The following MANBA variants were observed in gnomAD, a reference collection of about 807,000 sequenced individuals.
The protein encoded by MANBA is beta-mannosidase.
In MANBA, 83 loss-of-function variants were observed where a neutral mutation model predicts 111.1. The observed-to-expected ratio is 0.75, with a 90% CI of 0.63 to 0.90. The LOEUF is 0.90. Among genes scored for constraint, MANBA ranks in the 40% least tolerant of loss-of-function variants. MANBA has a pLI of 0.00. For synonymous variants in MANBA, 370 were observed against 378.7 expected, an observed-to-expected ratio of 0.98 and a Z score of 0.27; for missense variants, 1,036 against 1,069.0, an observed-to-expected ratio of 0.97 and a Z score of 0.43.
In MANBA at chr4:102,722,978, C is replaced by G; in HGVS notation, c.442G>C (p.Val148Leu). Residue 148 changes from valine (V) to leucine (L), a missense_variant, in exon 4 of 17, where the codon GTG becomes CTG. Val to Leu is a conservative substitution (Grantham distance 32). Coordinates refer to ENST00000647097, the MANE Select transcript of MANBA (RefSeq NM_005908.4). Reference sequence around the variant, plus strand: ...TTGCTCTGCTGTGCTGCATACAACACCGCTGACTGGAAACGCAGCTCAATG... The same window carrying G: ...TTGCTCTGCTGTGCTGCATACAACAGCGCTGACTGGAAACGCAGCTCAATG... The part of the protein sequence containing the change: ...NSIELRFQSA[V>L]LYAAQQSKAH... 1 of 1,614,166 alleles carries G rather than the reference C, an allele frequency of 6.2e-7. No individual in the cohort carries two copies. The highest frequency in any genetic ancestry group is 2.2e-5 in the East Asian group (1 of 44,890).
chr4:102,747,436 G>T (rs1723631469), intron 1 of MANBA, among the ~76,000 whole-genome samples: 1 of 152,146 alleles, frequency 6.6e-6, no homozygotes, highest in Non-Finnish European at 1.5e-5. Context: ...CAGATTAAAG[G>T]CAGGTCTGCC....
At chr4:102,721,192 TGC>T in intron 4 of MANBA, among the ~76,000 whole-genome samples, 1 of 152,124 alleles carries the variant, frequency 6.6e-6, no homozygotes, top group Non-Finnish European at 1.5e-5. Flanking sequence ...AGTGTGGCAG[TGC>T]ATGCGTGGAA....
chr4:102,741,296 T>C (rs1723393977), intron 1 of MANBA, among the ~76,000 whole-genome samples: 2 of 152,070 alleles, frequency 1.3e-5, no homozygotes, highest in Admixed American at 1.3e-4. Flanking sequence ...AAATAATAGA[T>C]GTTGGCATGG....
At chr4:102,717,581 T>C (rs865800872) in intron 4 of MANBA, among the ~76,000 whole-genome samples, 1 of 152,018 alleles carries the variant, frequency 6.6e-6, no homozygotes, top group Non-Finnish European at 1.5e-5. Context: ...TTTTTTAGAC[T>C]TGGGGTTTTG....
intron 7 of MANBA, among the ~76,000 whole-genome samples, chr4:102,677,174 C>T (rs1315454798): frequency 6.6e-6 from 1 of 152,096 alleles, no homozygotes; most frequent in Admixed American, 6.5e-5. Context: ...GACAGACAAA[C>T]GATGGTTATT....
chr4:102,726,552 C>A (rs749673250), intron 2 of MANBA, 37 bp downstream of exon 2: 7 of 1,113,814 alleles, frequency 6.3e-6, no homozygotes, highest in African/African-American at 3.1e-5. Flanking sequence ...AAGAAAAGTT[C>A]AAATAATAAT....
At chr4:102,633,422 A>G (rs1478735725) in intron 16 of MANBA, 2 of 398,530 alleles carry the variant, frequency 5.0e-6, no homozygotes, top group Non-Finnish European at 8.8e-6. Context: ...GTTGGATTGG[A>G]AATCTCCTCT....
rs1180716922 is a variant in MANBA, at chr4:102,695,135, C to G, written c.674-4364G>C. ...TACTGCTCCTTCGTTCAGAGTATCA[C>G]AAGACAACTCTAGCTCATGTAGATG... On this transcript the variant is annotated intron_variant, in intron 5 of 16. Transcript: ENST00000647097. 3.9e-5 allele frequency among the ~76,000 whole-genome samples: 6 copies of G among 152,154 alleles called. No homozygotes were observed. The South Asian group carries it at 1.2e-3, about 31-fold the overall frequency.
At chr4:102,690,455 A>G in intron 6 of MANBA, 141 bp downstream of exon 6, 1 of 723,008 alleles carries the variant, frequency 1.4e-6, no homozygotes. Flanking sequence ...AATATATGAG[A>G]GACTAAAATA....
intron 7 of MANBA, among the ~76,000 whole-genome samples, chr4:102,686,527 G>A (rs1207379266): frequency 6.6e-6 from 1 of 152,132 alleles, no homozygotes; most frequent in Non-Finnish European, 1.5e-5. Context: ...CATACCTTGA[G>A]TCATTCCTCA....
intron 1 of MANBA, among the ~76,000 whole-genome samples, chr4:102,744,236 C>T (rs1426400309): frequency 2.0e-5 from 3 of 152,200 alleles, no homozygotes; most frequent in African/African-American, 7.2e-5. Context: ...GAAGGAATAT[C>T]TCAATAGGCC....
chr4:102,696,913 G>C (rs1732737152), intron 5 of MANBA, among the ~76,000 whole-genome samples: 1 of 152,116 alleles, frequency 6.6e-6, no homozygotes, highest in African/African-American at 2.4e-5. Flanking sequence ...AGAATCATGG[G>C]ACAGACTTAA....
chr4:102,732,251 G>C (rs568793859), intron 1 of MANBA, among the ~76,000 whole-genome samples: 1 of 152,306 alleles, frequency 6.6e-6, no homozygotes, highest in South Asian at 2.1e-4. Context: ...CTCAAGACAG[G>C]AGGCAGAACA....
In MANBA at chr4:102,734,571, T is replaced by C. The variant is rs1723141851; in HGVS notation, c.178-7888A>G. ...GAGGAAGCCCAAGGCTACTGTTCCTTCTGTGAACAAGAGGCCCAAGAAAGA... is the reference window on the plus strand; with the variant it reads ...GAGGAAGCCCAAGGCTACTGTTCCTCCTGTGAACAAGAGGCCCAAGAAAGA... On this transcript the variant is annotated intron_variant, in intron 1 of 16. Coordinates refer to ENST00000647097, the MANE Select transcript of MANBA (RefSeq NM_005908.4). The C allele has an allele frequency of 1.9e-6, 3 of 1,607,682 alleles. No homozygotes were observed. The Admixed American group carries it at 5.0e-5, about 27-fold the overall frequency.
At chr4:102,724,448 A>C (rs1338733823) in intron 2 of MANBA, among the ~76,000 whole-genome samples, 1 of 151,842 alleles carries the variant, frequency 6.6e-6, no homozygotes, top group Non-Finnish European at 1.5e-5. Flanking sequence ...AATCCAAGCT[A>C]CTAGGGAGGC....
chr4:102,689,531 G>T (rs1732381435), intron 7 of MANBA, 43 bp downstream of exon 7: 1 of 1,275,634 alleles, frequency 7.8e-7, no homozygotes, highest in Admixed American at 1.8e-5. Flanking sequence ...ATTTTTAAAA[G>T]AAATAAAATT....
intron 5 of MANBA, among the ~76,000 whole-genome samples, chr4:102,694,545 T>C (rs555909539): frequency 3.0e-4 from 46 of 152,236 alleles, no homozygotes; most frequent in African/African-American, 1.1e-3. Context: ...TCTCCTAGCA[T>C]TAATAAGTCA....
chr4:102,650,217 G>C lies in MANBA; in HGVS notation c.1869+320C>G, dbSNP rs1730268470. 1.3e-5 allele frequency among the ~76,000 whole-genome samples: 2 copies of C among 152,174 alleles called. 1 individual carries two copies. Among genetic ancestry groups the C allele is most frequent in the South Asian group, 4.1e-4 (2 of 4,826 alleles). ...CAGTGATCTGTTTCTGGACTCTATT[G>C]TGTTCCATTGTTCTATTTTATCCTT... is the stretch of plus-strand genomic sequence containing the variant. On this transcript the variant is annotated intron_variant, in intron 13 of 16. Coordinates refer to ENST00000647097, the MANE Select transcript of MANBA (RefSeq NM_005908.4).
chr4:102,636,007 T>C lies in MANBA; in HGVS notation c.2015A>G (p.Glu672Gly). ...AAGCATTTTCCACTTTCCTCCGTAC[T>C]CTGAAAATAATCAAGAGTGTCAGGA... ...IWQAPSWASL[E>G]YGGKWKMLHY... is the part of the protein sequence containing the mutation. The change falls in exon 15 of 17, where the codon GAG becomes GGG. Residue 672 changes from glutamate (E) to glycine (G), a missense_variant and splice_region_variant. Coordinates refer to ENST00000647097, the MANE Select transcript of MANBA (RefSeq NM_005908.4). 1 of 1,613,446 alleles carries C rather than the reference T, an allele frequency of 6.2e-7. No homozygotes were observed. The highest frequency in any genetic ancestry group is 8.5e-7 in the Non-Finnish European group (1 of 1,179,410).
Sources: gnomAD v4.1 joint callset for allele counts (sites outside exome capture counted in the v4.1 genomes callset) on GRCh38, gnomAD v4.1.1 for gene constraint, MANE v1.5 for transcripts, NCBI Gene and HGNC (gene_info 2026-07-23, HGNC 2026-07-21) for gene names.